The following FNBP4 variants were observed in gnomAD, a reference collection of about 807,000 sequenced individuals.
FNBP4 encodes formin-binding protein 4.
FNBP4 carries 34 observed loss-of-function variants against 119.3 expected under a neutral mutation model. That is an observed-to-expected ratio of 0.28 (90% CI 0.22 to 0.38). The LOEUF is 0.38. Among genes scored for constraint, FNBP4 ranks in the 10% least tolerant of loss-of-function variants. FNBP4 has a pLI of 1.00. For missense variants in FNBP4, 1,112 were observed against 1,228.9 expected, an observed-to-expected ratio of 0.90 and a Z score of 1.42; for synonymous variants, 462 against 430.6, an observed-to-expected ratio of 1.07 and a Z score of -0.90.
chr11:47,724,890 G>A (rs1052525571), intron 12 of FNBP4, 112 bp from the exon 13 acceptor site: 2 of 1,415,446 alleles, frequency 1.4e-6, no homozygotes, highest in Non-Finnish European at 1.9e-6. Flanking sequence ...ACCTAGCACA[G>A]TGTACAAAAC....
intron 8 of FNBP4, among the ~76,000 whole-genome samples, chr11:47,741,350 T>C (rs2097581748): frequency 1.3e-5 from 2 of 151,498 alleles, no homozygotes; most frequent in Non-Finnish European, 2.9e-5. Flanking sequence ...TAAAAAACAT[T>C]TTAGAGACAG....
At chr11:47,741,315 G>A (rs982166517) in intron 8 of FNBP4, among the ~76,000 whole-genome samples, 4 of 151,500 alleles carry the variant, frequency 2.6e-5, no homozygotes, top group African/African-American at 4.9e-5. Flanking sequence ...GATTATATCC[G>A]TGTGCCACCA....
Position 47,729,138 on chromosome 11 carries a change from C to A in FNBP4, c.2008+2236G>T, listed in dbSNP as rs570288112. On this transcript the variant is annotated intron_variant, in intron 12 of 16. Transcript: ENST00000263773. ...AAGTATTGGGATTACAGGCATGAGC[C>A]ACTGCACCCGGCCTAGGCATCTTTA... is the stretch of plus-strand genomic sequence containing the variant. The A allele has an allele frequency of 1.9e-3, 1,896 of 984,288 alleles. 2 individuals are homozygous for A. Among genetic ancestry groups the A allele is most frequent in the Middle Eastern group, 7.3e-3 (14 of 1,912 alleles). The allele number at this position is 984,288 out of a possible 1,614,324, so 61.0% of individuals were successfully genotyped here. A position where few individuals can be genotyped will look rare whatever the true frequency, so the allele number is the denominator to read the frequency against.
chr11:47,719,746 C>T (rs2097553543), intron 16 of FNBP4, among the ~76,000 whole-genome samples, 183 bp downstream of exon 16: 1 of 151,848 alleles, frequency 6.6e-6, no homozygotes, highest in South Asian at 2.1e-4. Flanking sequence ...AAAGGCTAGC[C>T]CATAATTTCT....
chr11:47,757,316 G>A (rs1263673530), intron 2 of FNBP4, among the ~76,000 whole-genome samples: 9 of 152,296 alleles, frequency 5.9e-5, no homozygotes, highest in South Asian at 2.1e-4. Context: ...TCAGGTTCAC[G>A]CCATTCTCCT....
chr11:47,762,486 T>C (rs1227451445), intron 2 of FNBP4, among the ~76,000 whole-genome samples: 1 of 152,004 alleles, frequency 6.6e-6, no homozygotes, highest in Non-Finnish European at 1.5e-5. Context: ...TGGGTTGCAG[T>C]GGCATGATCA....
Position 47,746,273 on chromosome 11 carries a change from C to T in FNBP4, c.1028G>A (p.Arg343Lys). The T allele has an allele frequency of 1.2e-6, 2 of 1,614,108 alleles. No individual in the cohort carries two copies. Among genetic ancestry groups the T allele is most frequent in the Non-Finnish European group, 1.7e-6 (2 of 1,180,032 alleles). ...GIKEEEERWR[R>K]KVICKEEPVS... Reference sequence around the variant, plus strand: ...TGGCTCCTCTTTACAAATTACTTTTCTTCTCCATCTCTCTTCTTCTTCTTT... The same window carrying T: ...TGGCTCCTCTTTACAAATTACTTTTTTTCTCCATCTCTCTTCTTCTTCTTT... Residue 343 changes from arginine (R) to lysine (K), a missense_variant, in exon 7 of 17, where the codon AGA becomes AAA. Arg to Lys is a conservative substitution (Grantham distance 26). Coordinates refer to ENST00000263773, the MANE Select transcript of FNBP4 (RefSeq NM_015308.5).
At chr11:47,748,586 G>C (rs995688007) in intron 6 of FNBP4, among the ~76,000 whole-genome samples, 4 of 151,746 alleles carry the variant, frequency 2.6e-5, no homozygotes, top group African/African-American at 7.3e-5. Context: ...TGTTTTCCAG[G>C]CTGGTTTAGA....
intron 9 of FNBP4, among the ~76,000 whole-genome samples, chr11:47,736,203 G>A (rs565978782): frequency 5.4e-5 from 8 of 149,242 alleles, no homozygotes; most frequent in South Asian, 4.3e-4. Context: ...ATCGGGCCAC[G>A]GCACTCCAGC....
In FNBP4 at chr11:47,746,264, A is replaced by G. The variant is rs1370858920; in HGVS notation, c.1037T>C (p.Ile346Thr). 2 of 1,614,128 alleles carry G rather than the reference A, an allele frequency of 1.2e-6. No individual in the cohort carries two copies. The highest frequency in any genetic ancestry group is 1.7e-6 in the Non-Finnish European group (2 of 1,180,028). ...EEEERWRRKV[I>T]CKEEPVSEVK... Reference sequence around the variant, plus strand: ...TTCTGAAACTGGCTCCTCTTTACAAATTACTTTTCTTCTCCATCTCTCTTC... The same window carrying G: ...TTCTGAAACTGGCTCCTCTTTACAAGTTACTTTTCTTCTCCATCTCTCTTC... The change falls in exon 7 of 17, where the codon ATT becomes ACT. Residue 346 changes from isoleucine to threonine, a missense_variant. Transcript: ENST00000263773.
At chr11:47,745,106 G>A (rs1056160934) in intron 7 of FNBP4, among the ~76,000 whole-genome samples, 3 of 152,178 alleles carry the variant, frequency 2.0e-5, no homozygotes, top group Non-Finnish European at 4.4e-5. Flanking sequence ...GGACCACTGT[G>A]ATAATTGTGT....
chr11:47,723,989 C>T (rs1223976888), intron 14 of FNBP4, 39 bp downstream of exon 14: 4 of 1,569,832 alleles, frequency 2.5e-6, no homozygotes, highest in Non-Finnish European at 3.5e-6. Flanking sequence ...AGAAAAGAAA[C>T]AATACATTGA....
intron 12 of FNBP4, chr11:47,725,891 C>T: frequency 3.1e-6 from 2 of 646,852 alleles, no homozygotes; most frequent in Non-Finnish European, 3.8e-6. Flanking sequence ...CTATTTCAAC[C>T]TCCTCAGTTA....
rs189679587 is a variant in FNBP4, at chr11:47,762,417, G to A, written c.313+2853C>T. On this transcript the variant is annotated intron_variant, in intron 2 of 16. Transcript: ENST00000263773. ...GCTGGAATTACACGCGTGAACCACC[G>A]TGCCCCGCCTATTTTTTTAAATTAT... 3.3e-5 allele frequency among the ~76,000 whole-genome samples: 5 copies of A among 151,990 alleles called. No individual in the cohort carries two copies. The East Asian group carries it at 5.8e-4, about 18-fold the overall frequency.
Position 47,723,874 on chromosome 11 carries a change from CA to C in FNBP4, c.2464+153del, listed in dbSNP as rs1453093125. Among the ~76,000 whole-genome samples the C allele has an allele frequency of 2.0e-5, 3 of 150,360 alleles. No homozygotes were observed. The East Asian group carries it at 5.9e-4, about 30-fold the overall frequency. ...CACTGTGCACGGTCAGCTAAACTGTCAAAAGTTTTTTTTTTTTTTTTAAGTA... is the reference window on the plus strand; with the variant it reads ...CACTGTGCACGGTCAGCTAAACTGTCAAAGTTTTTTTTTTTTTTTTAAGTA... On this transcript the variant is annotated intron_variant, in intron 14 of 16. Transcript: ENST00000263773.
rs146821200 is a variant in FNBP4, at chr11:47,720,141, G to A, written c.2806-55C>T. 3,307 of 1,526,062 alleles carry A rather than the reference G, an allele frequency of 2.2e-3. 6 individuals carry two copies. The highest frequency in any genetic ancestry group is 8.5e-3 in the Middle Eastern group (46 of 5,426). The allele number at this position is 1,526,062 out of a possible 1,614,324, so 94.5% of individuals were successfully genotyped here. Reference sequence around the variant, plus strand: ...TAGAAAACATAAAATAAGGATAAGCGTCCTCTACAATGGAGGTCAGGATCC... The same window carrying A: ...TAGAAAACATAAAATAAGGATAAGCATCCTCTACAATGGAGGTCAGGATCC... On this transcript the variant is annotated intron_variant, in intron 15 of 16. Transcript: ENST00000263773.
At chr11:47,720,802 A>G (rs1472476156) in intron 15 of FNBP4, among the ~76,000 whole-genome samples, 1 of 149,064 alleles carries the variant, frequency 6.7e-6, no homozygotes, top group Non-Finnish European at 1.5e-5. Flanking sequence ...ATAAAGCTGG[A>G]AAGAGCAACA....
chr11:47,750,953 T>G lies in FNBP4; in HGVS notation c.869A>C (p.Lys290Thr), dbSNP rs374779445. 6.2e-7 allele frequency: 1 copy of G among 1,614,056 alleles called. No individual in the cohort carries two copies. ...KEKTISVSSS[K>T]SGPVIAKREV... ...TCGCTTGGCTATGACTGGTCCACTT[T>G]TACTACTGGAAACAGAAATCGTTTT... The change falls in exon 6 of 17, where the codon AAA (lysine) becomes ACA (threonine). Residue 290 changes from lysine (K) to threonine (T), a missense_variant. Lys to Thr is a moderately conservative substitution (Grantham distance 78, BLOSUM62 -1). Around this residue, in one of 2 missense-constraint regions of FNBP4, gnomAD observed 826 missense variants for 988.8 expected, o/e 0.84. Transcript: ENST00000263773.
chr11:47,767,050 T>TC lies in FNBP4; in HGVS notation c.220+18dup. 6.6e-7 allele frequency: 1 copy of TC among 1,520,106 alleles called. No homozygotes were observed. The highest frequency in any genetic ancestry group is 1.2e-5 in the South Asian group (1 of 82,736). The allele number at this position is 1,520,106 out of a possible 1,614,324, so 94.2% of individuals were successfully genotyped here. ...CGCAAGCCCTGAGCTCGAGTTCAGG[T>TC]CCCCCCGCGCACCCTTGCCTTCTGA... On this transcript the variant is annotated intron_variant, in intron 1 of 16. Coordinates refer to ENST00000263773, the MANE Select transcript of FNBP4 (RefSeq NM_015308.5).
Sources: allele counts gnomAD v4.1 joint callset (sites outside exome capture counted in the v4.1 genomes callset), GRCh38; gene constraint gnomAD v4.1.1; regional missense constraint gnomAD v4.1.1; transcripts MANE v1.5; gene names NCBI Gene and HGNC (gene_info 2026-07-23, HGNC 2026-07-21).